Variants in TEX9 observed in about 807,000 individuals in gnomAD.
TEX9 encodes testis-expressed protein 9.
TEX9 carries 74 observed loss-of-function variants against 59.6 expected under a neutral mutation model. The observed-to-expected ratio is 1.24, with a 90% CI of 1.03 to 1.51. The LOEUF (loss-of-function observed/expected upper bound fraction) is 1.51, where lower values mean the gene tolerates loss of function less well. Ranked by LOEUF, TEX9 falls within the 40% of genes most tolerant of loss-of-function variation. The pLI, the probability that TEX9 is intolerant of heterozygous loss-of-function variation, is 0.00. For synonymous variants in TEX9, 186 were observed against 152.2 expected, an observed-to-expected ratio of 1.22 and a Z score of -1.64; for missense variants, 522 against 447.8, an observed-to-expected ratio of 1.17 and a Z score of -1.49.
chr15:56,282,664 TC>T (rs1334125091), intron 1 of TEX9, among the ~76,000 whole-genome samples: 1 of 152,128 alleles, frequency 6.6e-6, no homozygotes, highest in African/African-American at 2.4e-5. Flanking sequence ...GGAAAAAATA[TC>T]CTAAGCTATT....
intron 10 of TEX9, among the ~76,000 whole-genome samples, chr15:56,423,349 T>C (rs1023534964): frequency 1.3e-5 from 2 of 152,198 alleles, no homozygotes; most frequent in African/African-American, 4.8e-5. Context: ...GTAGTTTGAG[T>C]GTTTTGTTCA....
At chr15:56,280,227 T>C (rs1156544263) in intron 1 of TEX9, among the ~76,000 whole-genome samples, 1 of 152,228 alleles carries the variant, frequency 6.6e-6, no homozygotes, top group Non-Finnish European at 1.5e-5. Context: ...GGAACATCTA[T>C]ATAAATATTG....
chr15:56,453,421 T>C, the TEX9 span, among the ~76,000 whole-genome samples: 1 of 152,148 alleles, frequency 6.6e-6, no homozygotes, highest in Non-Finnish European at 1.5e-5. Context: ...TTTTAATCTA[T>C]CTCATCTATT....
intron 1 of TEX9, among the ~76,000 whole-genome samples, chr15:56,250,771 A>G (rs1330145464): frequency 6.6e-6 from 1 of 152,176 alleles, no homozygotes; most frequent in Non-Finnish European, 1.5e-5. Context: ...GAAAAAAAAA[A>G]ACAAAATAAT....
chr15:56,440,716 A>G (rs143257468), intron 12 of TEX9, among the ~76,000 whole-genome samples: 1,915 of 152,290 alleles, frequency 0.013, 40 homozygotes, highest in African/African-American at 0.044. Context: ...CAACTTGAAA[A>G]AGTTACATAT....
rs2045634445 is a variant in TEX9, at chr15:56,312,039, T to G, written c.-106-61402T>G. ...GTTTGAGTTCACTATAGATTCTGGA[T>G]ATTAGCCCTTTGTCAGATGAGTAGG... On this transcript the variant is annotated intron_variant, in intron 1 of 5. Transcript: ENST00000560827. Among the ~76,000 whole-genome samples the G allele has an allele frequency of 9.9e-5, 15 of 151,996 alleles. No individual in the cohort carries two copies. The South Asian group carries it at 3.1e-3, about 32-fold the overall frequency.
intron 1 of TEX9, among the ~76,000 whole-genome samples, chr15:56,268,516 T>C (rs2044445704): frequency 6.6e-6 from 1 of 152,238 alleles, no homozygotes; most frequent in East Asian, 1.9e-4. Context: ...CCTAATTTAT[T>C]GAGCGTTTTT....
chr15:56,277,648 A>G (rs1322773746), intron 1 of TEX9, among the ~76,000 whole-genome samples: 1 of 152,136 alleles, frequency 6.6e-6, no homozygotes, highest in Non-Finnish European at 1.5e-5. Flanking sequence ...TCTTGGCTAT[A>G]TGGGCTTTTT....
At chr15:56,352,980 T>A (rs1197529423) in intron 1 of TEX9, among the ~76,000 whole-genome samples, 1 of 152,178 alleles carries the variant, frequency 6.6e-6, no homozygotes, top group African/African-American at 2.4e-5. Flanking sequence ...AAACTGTCTT[T>A]CCCAGGCTTT....
chr15:56,426,589 GTATATATATATATATATATATA>G lies in TEX9; in HGVS notation c.964-999_964-978del, dbSNP rs71110391. 3.3e-3 allele frequency among the ~76,000 whole-genome samples: 81 copies of G among 24,330 alleles called. 1 individual carries two copies. Among genetic ancestry groups the G allele is most frequent in the East Asian group, 9.8e-3 (8 of 820 alleles). The allele number at this position is 24,330 out of a possible 152,430, so 16.0% of individuals were successfully genotyped here. ...TTTTTTTTTTTTTTTTTGAAAAGGT[GTATATATATATATATATATATA>G]TATATATATATATATACACACACAC... On this transcript the variant is annotated intron_variant, in intron 10 of 12. Transcript: ENST00000352903.
intron 2 of TEX9, among the ~76,000 whole-genome samples, chr15:56,366,218 A>C (rs1394665356): frequency 6.6e-6 from 1 of 152,176 alleles, no homozygotes; most frequent in Non-Finnish European, 1.5e-5. Flanking sequence ...AAGTTTTCAC[A>C]CAGCAGCCAG....
At chr15:56,420,507 C>T (rs1451673788) in intron 10 of TEX9, among the ~76,000 whole-genome samples, 1 of 151,692 alleles carries the variant, frequency 6.6e-6, no homozygotes, top group Non-Finnish European at 1.5e-5. Flanking sequence ...GGGGTTTCAC[C>T]ATGTTGGCCA....
At chr15:56,362,983 A>G (rs1448463674), upstream of TEX9, among the ~76,000 whole-genome samples, 1 of 152,136 alleles carries the variant, frequency 6.6e-6, no homozygotes, top group East Asian at 1.9e-4. Flanking sequence ...CTTTTTATTT[A>G]ATTACTAATC....
chr15:56,419,104 A>C (rs1251421400), intron 10 of TEX9, among the ~76,000 whole-genome samples: 1 of 151,824 alleles, frequency 6.6e-6, no homozygotes, highest in African/African-American at 2.4e-5. Flanking sequence ...TCCAGAATAC[A>C]GGTTTTACAC....
At chr15:56,442,904 G>T (rs1333643945) in intron 12 of TEX9, among the ~76,000 whole-genome samples, 3 of 148,530 alleles carry the variant, frequency 2.0e-5, no homozygotes, top group African/African-American at 7.5e-5. Flanking sequence ...GTTGGAAAGA[G>T]AAAAAGAAAA....
chr15:56,388,029 C>A (rs555155072), intron 4 of TEX9, among the ~76,000 whole-genome samples: 1 of 152,012 alleles, frequency 6.6e-6, no homozygotes, highest in Admixed American at 6.6e-5. Flanking sequence ...TTGAACAAGG[C>A]AGACGTGATT....
intron 1 of TEX9, among the ~76,000 whole-genome samples, chr15:56,307,042 G>A (rs1212751641): frequency 6.6e-6 from 1 of 152,154 alleles, no homozygotes; most frequent in South Asian, 2.1e-4. Context: ...CTTCCTGGCT[G>A]TGCTCAGTAA....
At chr15:56,450,222 C>CT (rs1252841273), downstream of TEX9, among the ~76,000 whole-genome samples, 4 of 151,880 alleles carry the variant, frequency 2.6e-5, no homozygotes, top group Non-Finnish European at 5.9e-5. Flanking sequence ...AAGTTGGTTT[C>CT]TTTTTTTTCA....
intron 1 of TEX9, among the ~76,000 whole-genome samples, chr15:56,324,946 C>T (rs532456673): frequency 1.3e-5 from 2 of 152,220 alleles, no homozygotes; most frequent in East Asian, 3.9e-4. Flanking sequence ...ATAAAATCCA[C>T]ATAATAGACA....
Sources: gnomAD v4.1 joint callset for allele counts (sites outside exome capture counted in the v4.1 genomes callset) on GRCh38, gnomAD v4.1.1 for gene constraint, MANE v1.5 for transcripts, NCBI Gene and HGNC (gene_info 2026-07-23, HGNC 2026-07-21) for gene names.